ZNF417: variants seen among roughly 807,000 people sequenced by gnomAD.
ZNF417 encodes the protein zinc finger protein 417.
A neutral mutation model predicts 7.4 loss-of-function variants in ZNF417; 5 were observed. The ratio of observed to expected loss-of-function variants is 0.68; its 90% CI spans 0.35 to 1.43. The LOEUF is 1.43. Among genes scored for constraint, ZNF417 ranks in the 40% most tolerant of loss-of-function variants. The pLI is 0.04. For synonymous variants in ZNF417, 147 were observed against 239.1 expected (o/e 0.61, Z 3.55); for missense variants, 437 against 697.3 (o/e 0.63, Z 4.20).
Position 57,912,175 on chromosome 19 carries a change from G to T in ZNF417, c.48C>A (p.Thr16=), listed in dbSNP as rs2122532492. The T allele has an allele frequency of 6.2e-7, 1 of 1,612,438 alleles. No individual in the cohort carries two copies. The highest frequency in any genetic ancestry group is 2.2e-5 in the East Asian group (1 of 44,850). ...PRRPTQQGTV[T]FEDVAVNFSQ... ...AAAAGTTCACAGCCACATCTTCAAA[G>T]GTCACAGTGCCCTGCTATGATAGTG... The change falls in exon 2 of 3, where the codon ACC becomes ACA. Residue 16 remains threonine, a synonymous_variant. Transcript: ENST00000312026.
intron 1 of ZNF417, among the ~76,000 whole-genome samples, chr19:57,912,823 CAGGCTGGTCTTG>C (rs1223296959): frequency 6.6e-6 from 1 of 151,942 alleles, no homozygotes; most frequent in Non-Finnish European, 1.5e-5. Flanking sequence ...CCATGTTGGC[CAGGCTGGTCTTG>C]AGCTCCTGGT....
At chr19:57,913,682 A>G (rs560609711) in intron 1 of ZNF417, among the ~76,000 whole-genome samples, 3 of 152,080 alleles carry the variant, frequency 2.0e-5, no homozygotes, top group South Asian at 2.1e-4. Flanking sequence ...CATCTATCTC[A>G]TCTATTCTCT....
Position 57,907,733 on chromosome 19 carries a change from G to T in ZNF417, c.*817C>A, listed in dbSNP as rs1422785130. 7.2e-6 allele frequency: 1 copy of T among 138,672 alleles called. No individual in the cohort carries two copies. Among genetic ancestry groups the T allele is most frequent in the Non-Finnish European group, 1.7e-5 (1 of 58,354 alleles). 8.6% of individuals were successfully genotyped at this position (138,672 alleles called of 1,614,324 possible). A position where few individuals can be genotyped will look rare whatever the true frequency, so the allele number is the denominator to read the frequency against. ...AATGGGCATGTGGCCCCTGAAAAAA[G>T]ATTCTGGATTCCATAATCTCACCTT... On this transcript the variant is annotated 3_prime_UTR_variant, in exon 3 of 3. Transcript: ENST00000312026.
chr19:57,912,643 C>T (rs919724415), intron 1 of ZNF417, among the ~76,000 whole-genome samples: 37 of 152,140 alleles, frequency 2.4e-4, no homozygotes, highest in African/African-American at 8.9e-4. Context: ...TAGTCTAGCT[C>T]TGTCACCCAG....
chr19:57,909,071 T>C lies in ZNF417; in HGVS notation c.1207A>G (p.Thr403Ala), dbSNP rs2071866957. 2.5e-6 allele frequency: 4 copies of C among 1,614,196 alleles called. No homozygotes were observed. The highest frequency in any genetic ancestry group is 2.5e-6 in the Non-Finnish European group (3 of 1,180,038). ...GNLVQHQRGH[T>A]GERPYECKEC... Reference sequence around the variant, plus strand: ...TTGCACTCATAGGGCCTTTCTCCAGTATGACCTCGCTGATGTTGAACGAGG... The same window carrying C: ...TTGCACTCATAGGGCCTTTCTCCAGCATGACCTCGCTGATGTTGAACGAGG... Residue 403 changes from threonine to alanine, a missense_variant, in exon 3 of 3, where the codon ACT (threonine) becomes GCT (alanine). Physicochemically the swap from Thr to Ala is moderately conservative, Grantham distance 58 (BLOSUM62 0). Coordinates refer to ENST00000312026, the MANE Select transcript of ZNF417 (RefSeq NM_152475.3).
rs376955409 is a variant in ZNF417 at position 57,909,097 on chromosome 19, T to C, written c.1181A>G (p.Asn394Ser). ...ECGKSFGQKG[N>S]LVQHQRGHTG... is the part of the protein sequence containing the mutation. ...ATGACCTCGCTGATGTTGAACGAGG[T>C]TGCCCTTTTGACCAAAAGATTTTCC... is the stretch of plus-strand genomic sequence containing the variant. The change falls in exon 3 of 3, where the codon AAC becomes AGC. Residue 394 changes from asparagine (N) to serine (S), a missense_variant. Around this residue, in one of 5 missense-constraint regions of ZNF417, gnomAD observed 233 missense variants for 235.5 expected, o/e 0.99. Transcript: ENST00000312026. 3.1e-6 allele frequency: 5 copies of C among 1,613,932 alleles called. No homozygotes were observed. The highest frequency in any genetic ancestry group is 1.3e-5 in the African/African-American group (1 of 74,868).
chr19:57,914,483 CAAAAAAAAAA>C lies in ZNF417; in HGVS notation c.33+1886_33+1895del, dbSNP rs528220711. Reference sequence around the variant, plus strand: ...CCTGGGCAACAAGACCGAAACTCCACAAAAAAAAAAAAAAAAAAAAAAAAAAAGACAGAAA... The same window carrying C: ...CCTGGGCAACAAGACCGAAACTCCACAAAAAAAAAAAAAAAAAGACAGAAA... On this transcript the variant is annotated intron_variant, in intron 1 of 2. Transcript: ENST00000312026. Among the ~76,000 whole-genome samples, 553 of 57,618 alleles carry C rather than the reference CAAAAAAAAAA, an allele frequency of 9.6e-3. 5 individuals carry two copies. Among genetic ancestry groups the C allele is most frequent in the Middle Eastern group, 0.022 (2 of 92 alleles). The allele number at this position is 57,618 out of a possible 152,430, so 37.8% of individuals were successfully genotyped here.
intron 1 of ZNF417, among the ~76,000 whole-genome samples, chr19:57,913,229 T>C (rs1208069267): frequency 6.6e-6 from 1 of 152,122 alleles, no homozygotes; most frequent in Non-Finnish European, 1.5e-5. Context: ...TGGATAAGCA[T>C]CCAGACTATG....
At position 57,916,550 on chromosome 19, in the gene ZNF417, C is replaced by A. The variant is rs11084523; in HGVS notation, c.-139G>T. On this transcript the variant is annotated 5_prime_UTR_variant, in exon 1 of 3. Transcript: ENST00000312026. ...GTCCCCCCCCAGCACTCAGGGGCCA[C>A]AAACTGGGGAAACACCCGCGTCACC... The A allele has an allele frequency of 1.5e-3, 2,303 of 1,521,248 alleles. 51 individuals carry two copies. The East Asian group carries it at 0.05, about 33-fold the overall frequency. The allele number at this position is 1,521,248 out of a possible 1,614,324, so 94.2% of individuals were successfully genotyped here.
At chr19:57,915,437 A>T (rs2071939027) in intron 1 of ZNF417, 1 of 440,592 alleles carries the variant, frequency 2.3e-6, no homozygotes, top group South Asian at 2.1e-5. Flanking sequence ...GTCCATCTCC[A>T]GGCCATTGCC....
chr19:57,911,476 C>A (rs11673140), intron 2 of ZNF417, among the ~76,000 whole-genome samples: 4,724 of 152,250 alleles, frequency 0.031, 107 homozygotes, highest in Non-Finnish European at 0.046. Context: ...CACATCTTGT[C>A]AAACATGGAG....
In ZNF417 at chr19:57,907,272, CT is replaced by C. The variant is rs1487425209; in HGVS notation, c.*1277del. 6.6e-6 allele frequency: 1 copy of C among 152,286 alleles called. No homozygotes were observed. Among genetic ancestry groups the C allele is most frequent in the Admixed American group, 6.5e-5 (1 of 15,292 alleles). 9.4% of individuals were successfully genotyped at this position (152,286 alleles called of 1,614,324 possible). On this transcript the variant is annotated 3_prime_UTR_variant, in exon 3 of 3. Coordinates refer to ENST00000312026, the MANE Select transcript of ZNF417 (RefSeq NM_152475.3). ...TTTAACTCTTGTATCCATGAAGCAT[CT>C]TAGTAAAATAACAGATATTCCATTT...
chr19:57,911,016 G>A (rs1420419346), intron 2 of ZNF417, among the ~76,000 whole-genome samples: 1 of 152,212 alleles, frequency 6.6e-6, no homozygotes, highest in African/African-American at 2.4e-5. Flanking sequence ...TTGCACTCCA[G>A]CTTGGGCAAC....
intron 1 of ZNF417, among the ~76,000 whole-genome samples, chr19:57,915,117 G>GT (rs1336427009): frequency 6.6e-6 from 1 of 152,132 alleles, no homozygotes; most frequent in African/African-American, 2.4e-5. Flanking sequence ...CTGGAACCAG[G>GT]TAACCCTACG....
rs1268834567 is a variant in ZNF417 at position 57,909,400 on chromosome 19, T to C, written c.878A>G (p.Lys293Arg). 2 of 1,614,212 alleles carry C rather than the reference T, an allele frequency of 1.2e-6. No individual in the cohort carries two copies. The highest frequency in any genetic ancestry group is 1.7e-6 in the Non-Finnish European group (2 of 1,180,044). Residue 293 changes from lysine (K) to arginine (R), a missense_variant, in exon 3 of 3, where the codon AAG becomes AGG. This residue lies in a region of ZNF417 where 34 missense variants were observed against 33.3 expected (regional missense o/e 1.02). Coordinates refer to ENST00000312026, the MANE Select transcript of ZNF417 (RefSeq NM_152475.3). ...GCACTCCTCACAGGGATAAGCTGTC[T>C]TTCCAGTGTGGACTCGCTGATGTTG... is the stretch of plus-strand genomic sequence containing the variant. ...LIQHQRVHTG[K>R]TAYPCEECGK... is the part of the protein sequence containing the mutation.
rs113063348 is a variant in ZNF417, at chr19:57,912,483, T to C, written c.34-294A>G. Among the ~76,000 whole-genome samples the C allele has an allele frequency of 2.3e-3, 349 of 152,292 alleles. 2 individuals are homozygous for C. The highest frequency in any genetic ancestry group is 7.7e-3 in the African/African-American group (322 of 41,568). ...AGCCCAGGGCAGCTGCCTGAGCCCA[T>C]TGGACAAACTCCCTCTCTAAATATA... On this transcript the variant is annotated intron_variant, in intron 1 of 2. Transcript: ENST00000312026.
Position 57,916,567 on chromosome 19 carries a change from C to A in ZNF417, c.-156G>T. The A allele has an allele frequency of 2.0e-6, 3 of 1,492,130 alleles. No individual in the cohort carries two copies. In the South Asian group the frequency reaches 3.9e-5, roughly 20 times the overall value. The allele number at this position is 1,492,130 out of a possible 1,614,324, so 92.4% of individuals were successfully genotyped here. ...AGGGGCCACAAACTGGGGAAACACCCGCGTCACCGATACACAGCCGCTACT... is the reference window on the plus strand; with the variant it reads ...AGGGGCCACAAACTGGGGAAACACCAGCGTCACCGATACACAGCCGCTACT... On this transcript the variant is annotated 5_prime_UTR_variant, in exon 1 of 3. Coordinates refer to ENST00000312026, the MANE Select transcript of ZNF417 (RefSeq NM_152475.3).
chr19:57,914,665 T>C (rs1568530717), intron 1 of ZNF417, among the ~76,000 whole-genome samples: 3 of 152,180 alleles, frequency 2.0e-5, no homozygotes, highest in Non-Finnish European at 4.4e-5. Context: ...CCATAGTGTG[T>C]GCACCAAGGT....
At chr19:57,916,143 C>T (rs575628900) in intron 1 of ZNF417, among the ~76,000 whole-genome samples, 1 of 152,264 alleles carries the variant, frequency 6.6e-6, no homozygotes, top group Admixed American at 6.5e-5. Flanking sequence ...ATTTCTCCAT[C>T]GCAATTCTCC....
Sources: allele counts gnomAD v4.1 joint callset (sites outside exome capture counted in the v4.1 genomes callset), GRCh38; gene constraint gnomAD v4.1.1; regional missense constraint gnomAD v4.1.1; transcripts MANE v1.5; gene names NCBI Gene and HGNC (gene_info 2026-07-23, HGNC 2026-07-21).